Variants in DOP1A observed in about 807,000 individuals in gnomAD.
DOP1A encodes protein DOP1A.
Under a neutral mutation model 267.6 loss-of-function variants are expected in DOP1A, and 90 were observed. That is an observed-to-expected ratio of 0.34 (90% CI 0.28 to 0.40). The LOEUF (loss-of-function observed/expected upper bound fraction) is 0.40. Among genes scored for constraint, DOP1A ranks in the 10% least tolerant of loss-of-function variants. The probability of loss-of-function intolerance (pLI) is 1.00; values close to 1 mark genes in which losing one functional copy is unlikely to be tolerated. For synonymous variants in DOP1A, 932 were observed against 999.1 expected, an observed-to-expected ratio of 0.93 and a Z score of 1.27; for missense variants, 2,437 against 2,900.4, an observed-to-expected ratio of 0.84 and a Z score of 3.67.
chr6:83,158,454 CT>C (rs1783368175), intron 35 of DOP1A, 112 bp from the exon 36 acceptor site: 1 of 838,086 alleles, frequency 1.2e-6, no homozygotes, highest in Admixed American at 2.7e-5. Context: ...TTAAAAGATT[CT>C]GAAAATGTAT....
chr6:83,072,956 G>A (rs1785863846), intron 1 of DOP1A: 1 of 354,084 alleles, frequency 2.8e-6, no homozygotes, highest in Non-Finnish European at 5.6e-6. Context: ...CTGCTGGCCT[G>A]TGAAAAAATA....
At position 83,097,363 on chromosome 6, in the gene DOP1A, T is replaced by TA. The variant is rs1771685804; in HGVS notation, c.138+253dup. On this transcript the variant is annotated intron_variant, in intron 3 of 38. Coordinates refer to ENST00000349129, the MANE Select transcript of DOP1A (RefSeq NM_015018.4). ...TAGTTATCGCCATGATTATCAGCTA[T>TA]AAAAACAGAAGAGAAGGAAGCAAAT... is the stretch of plus-strand genomic sequence containing the variant. Among the ~76,000 whole-genome samples the TA allele has an allele frequency of 2.0e-5, 3 of 152,254 alleles. No individual in the cohort carries two copies. The South Asian group carries it at 6.2e-4, about 32-fold the overall frequency.
intron 38 of DOP1A, among the ~76,000 whole-genome samples, chr6:83,164,308 T>G (rs1784915932): frequency 6.6e-6 from 1 of 151,640 alleles, no homozygotes; most frequent in Admixed American, 6.6e-5. Context: ...AGGACAGAGA[T>G]GAGGATGTAT....
intron 17 of DOP1A, among the ~76,000 whole-genome samples, chr6:83,131,393 T>C (rs1174484999): frequency 6.6e-6 from 1 of 152,202 alleles, no homozygotes; most frequent in Non-Finnish European, 1.5e-5. Flanking sequence ...CATTGCATTA[T>C]TATTAATGCT....
chr6:83,085,098 A>G (rs1272098526), intron 1 of DOP1A, among the ~76,000 whole-genome samples: 2 of 152,228 alleles, frequency 1.3e-5, no homozygotes, highest in African/African-American at 4.8e-5. Flanking sequence ...GAGTAAGGTC[A>G]AGTGTGACTA....
In DOP1A at chr6:83,145,645, T is replaced by C. The variant is rs2128299115; in HGVS notation, c.5663T>C (p.Ile1888Thr). 1 of 1,613,354 alleles carries C rather than the reference T, an allele frequency of 6.2e-7. No homozygotes were observed. The highest frequency in any genetic ancestry group is 8.5e-7 in the Non-Finnish European group (1 of 1,179,624). Residue 1888 changes from isoleucine to threonine, a missense_variant, in exon 25 of 39, where the codon ATA becomes ACA. Coordinates refer to ENST00000349129, the MANE Select transcript of DOP1A (RefSeq NM_015018.4). ...GAAGTTTTAAAGCAGCCACCAGCCATAGCCAAGGACAAGGTAAGAAAAAAC... is the reference window on the plus strand; with the variant it reads ...GAAGTTTTAAAGCAGCCACCAGCCACAGCCAAGGACAAGGTAAGAAAAAAC... ...VKEVLKQPPA[I>T]AKDKKHLSLE...
At chr6:83,166,382 A>C in intron 38 of DOP1A, 1 of 700,824 alleles carries the variant, frequency 1.4e-6, no homozygotes, top group Non-Finnish European at 2.6e-6. Context: ...AAACTTCTTG[A>C]GCCATCACGG....
chr6:83,140,184 G>A (rs1279476948), intron 22 of DOP1A, 37 bp from the exon 23 acceptor site: 1 of 1,605,644 alleles, frequency 6.2e-7, no homozygotes, highest in Non-Finnish European at 8.5e-7. Context: ...GTAAATCTCA[G>A]TAAGTAATAT....
chr6:83,127,332 CA>C (rs1777348960), intron 15 of DOP1A, among the ~76,000 whole-genome samples: 1 of 152,098 alleles, frequency 6.6e-6, no homozygotes, highest in South Asian at 2.1e-4. Flanking sequence ...TGAACAAGGA[CA>C]GTGGAGAGGA....
chr6:83,148,694 G>A lies in DOP1A; in HGVS notation c.5733-65G>A, dbSNP rs1781011690. ...CATTGTCTATAAAAATTTAGAGAATGTTCCACAAACTAGTAGAAAACCATA... is the reference window on the plus strand; with the variant it reads ...CATTGTCTATAAAAATTTAGAGAATATTCCACAAACTAGTAGAAAACCATA... On this transcript the variant is annotated intron_variant, in intron 26 of 38. Transcript: ENST00000349129. 4.5e-6 allele frequency: 5 copies of A among 1,101,938 alleles called. No individual in the cohort carries two copies. The South Asian group carries it at 6.5e-5, about 14-fold the overall frequency. 68.3% of individuals were successfully genotyped at this position (1,101,938 alleles called of 1,614,324 possible).
chr6:83,169,009 A>G, downstream of DOP1A: 2 of 1,337,906 alleles, frequency 1.5e-6, no homozygotes, highest in African/African-American at 2.9e-5. Context: ...CCAGTATTTT[A>G]CATTAGTGAG....
At chr6:83,151,806 A>G in intron 28 of DOP1A, 77 bp from the exon 29 acceptor site, 5 of 1,479,248 alleles carry the variant, frequency 3.4e-6, no homozygotes, top group Non-Finnish European at 4.6e-6. Context: ...ATCTATTATC[A>G]GAAATATAAA....
chr6:83,116,975 A>T (rs1775539408), intron 7 of DOP1A, among the ~76,000 whole-genome samples: 1 of 152,174 alleles, frequency 6.6e-6, no homozygotes. Flanking sequence ...GGCCTGAATA[A>T]TCATAATTCA....
At chr6:83,128,083 A>G (rs1315383788) in intron 15 of DOP1A, among the ~76,000 whole-genome samples, 1 of 152,164 alleles carries the variant, frequency 6.6e-6, no homozygotes, top group African/African-American at 2.4e-5. Flanking sequence ...TGACTCAAGG[A>G]AAAGTGTCAT....
At chr6:83,164,533 A>C in intron 38 of DOP1A, 1 of 921,340 alleles carries the variant, frequency 1.1e-6, no homozygotes, top group Non-Finnish European at 1.7e-6. Context: ...AATTTGTCCC[A>C]CAGAATAAGA....
chr6:83,117,178 T>G (rs954527162), intron 7 of DOP1A, among the ~76,000 whole-genome samples: 2 of 149,136 alleles, frequency 1.3e-5, no homozygotes, highest in African/African-American at 4.9e-5. Context: ...TGAGACAGAG[T>G]CTTTCTCTGT....
At position 83,137,280 on chromosome 6, in the gene DOP1A, T is replaced by G. The variant is rs1274748380; in HGVS notation, c.3238T>G (p.Ser1080Ala). Residue 1080 changes from serine to alanine, a missense_variant, in exon 21 of 39, where the codon TCC becomes GCC. Coordinates refer to ENST00000349129, the MANE Select transcript of DOP1A (RefSeq NM_015018.4). ...TGTGAATCCATTAAGTGACAGACTT[T>G]CCCTCCTAAGTACCAGCAGTGAGAC... ...LTVNPLSDRL[S>A]LLSTSSETIP... 6.2e-7 allele frequency: 1 copy of G among 1,613,706 alleles called. No individual in the cohort carries two copies.
intron 26 of DOP1A, among the ~76,000 whole-genome samples, chr6:83,147,545 A>G (rs1013425166): frequency 6.6e-6 from 1 of 152,212 alleles, no homozygotes; most frequent in Non-Finnish European, 1.5e-5. Flanking sequence ...TTATTTTGGT[A>G]TAGGTGAACA....
At chr6:83,093,216 G>T (rs926495871) in intron 1 of DOP1A, among the ~76,000 whole-genome samples, 1 of 152,188 alleles carries the variant, frequency 6.6e-6, no homozygotes, top group African/African-American at 2.4e-5. Flanking sequence ...CATAGTGCTT[G>T]GCACATGGTA....
Sources: gnomAD v4.1 joint callset for allele counts (sites outside exome capture counted in the v4.1 genomes callset) on GRCh38, gnomAD v4.1.1 for gene constraint, MANE v1.5 for transcripts, NCBI Gene and HGNC (gene_info 2026-07-23, HGNC 2026-07-21) for gene names.